Variants in GRAMD2B observed in about 807,000 individuals in gnomAD.
GRAMD2B encodes the protein GRAM domain containing 2B.
In GRAMD2B, 41 loss-of-function variants were observed where a neutral mutation model predicts 59.2. The observed-to-expected ratio is 0.69, with a 90% confidence interval of 0.54 to 0.90. The LOEUF (loss-of-function observed/expected upper bound fraction) is 0.90, where lower values mean the gene tolerates loss of function less well. Among genes scored for constraint, GRAMD2B ranks in the 40% least tolerant of loss-of-function variants. The pLI is 0.00. For missense variants in GRAMD2B, 424 were observed against 500.5 expected, an observed-to-expected ratio of 0.85 and a Z score of 1.46; for synonymous variants, 161 against 182.7, an observed-to-expected ratio of 0.88 and a Z score of 0.96.
In GRAMD2B at chr5:126,376,201, T is replaced by C. The variant is rs186909465; in HGVS notation, c.125+4634T>C. Among the ~76,000 whole-genome samples the C allele has an allele frequency of 7.2e-5, 11 of 152,326 alleles. No homozygotes were observed. The East Asian group carries it at 2.1e-3, about 29-fold the overall frequency. Reference sequence around the variant, plus strand: ...TGCTCAGTGGAGTTAGTGTGTAGAATAGGACACCATGGCCTTTGGGAGTAC... The same window carrying C: ...TGCTCAGTGGAGTTAGTGTGTAGAACAGGACACCATGGCCTTTGGGAGTAC... On this transcript the variant is annotated intron_variant, in intron 1 of 8. Transcript: ENST00000506445.
At chr5:126,373,157 G>A (rs554284494) in intron 1 of GRAMD2B, among the ~76,000 whole-genome samples, 16 of 151,698 alleles carry the variant, frequency 1.1e-4, no homozygotes, top group Non-Finnish European at 1.9e-4. Flanking sequence ...TATTAGAACC[G>A]ACCTAAAAAA....
At chr5:126,382,814 G>A (rs960666576) in intron 1 of GRAMD2B, among the ~76,000 whole-genome samples, 1 of 152,048 alleles carries the variant, frequency 6.6e-6, no homozygotes. Context: ...TTCTCATTTG[G>A]GTAGACAATG....
At chr5:126,434,386 T>C (rs550321315) in intron 1 of GRAMD2B, among the ~76,000 whole-genome samples, 47 of 152,332 alleles carry the variant, frequency 3.1e-4, no homozygotes, top group African/African-American at 1.1e-3. Context: ...TACTCTATTG[T>C]ACATTATGGT....
chr5:126,467,650 AAAGGC>A (rs1296534105), intron 2 of GRAMD2B: 1 of 152,244 alleles, frequency 6.6e-6, no homozygotes, highest in Non-Finnish European at 1.5e-5. Context: ...AATATAAATA[AAAGGC>A]AAGTTGACAT....
intron 1 of GRAMD2B, among the ~76,000 whole-genome samples, chr5:126,464,619 C>G (rs1767964076): frequency 6.6e-6 from 1 of 152,168 alleles, no homozygotes; most frequent in Non-Finnish European, 1.5e-5. Flanking sequence ...AAGGTCAGAC[C>G]TAGTTTTTCC....
At chr5:126,385,221 T>C (rs548937730) in intron 1 of GRAMD2B, among the ~76,000 whole-genome samples, 6 of 152,180 alleles carry the variant, frequency 3.9e-5, no homozygotes, top group Admixed American at 2.6e-4. Flanking sequence ...CCGCAGGCCT[T>C]ATGATTCATA....
At chr5:126,466,204 T>C in intron 2 of GRAMD2B, 2 of 1,530,960 alleles carry the variant, frequency 1.3e-6, no homozygotes, top group Non-Finnish European at 1.8e-6. Context: ...TCACCATTAT[T>C]AGAACTTTGA....
chr5:126,372,266 A>C (rs190841755), intron 1 of GRAMD2B, among the ~76,000 whole-genome samples: 3 of 152,312 alleles, frequency 2.0e-5, no homozygotes, highest in African/African-American at 2.4e-5. Context: ...AGTGGAAATC[A>C]CATATTCAAA....
chr5:126,363,619 C>T (rs1450367798), intron 1 of GRAMD2B, among the ~76,000 whole-genome samples: 1 of 152,046 alleles, frequency 6.6e-6, no homozygotes, highest in Admixed American at 6.6e-5. Flanking sequence ...TATTTTTGGT[C>T]ACAAAATGAG....
intron 1 of GRAMD2B, among the ~76,000 whole-genome samples, chr5:126,408,885 T>C (rs1758505772): frequency 7.6e-6 from 1 of 132,340 alleles, no homozygotes; most frequent in Non-Finnish European, 1.6e-5. Context: ...TTCCCCTTCC[T>C]GTGTCCATGT....
At chr5:126,448,052 G>T (rs1450985754) in intron 1 of GRAMD2B, among the ~76,000 whole-genome samples, 1 of 151,758 alleles carries the variant, frequency 6.6e-6, no homozygotes, top group Non-Finnish European at 1.5e-5. Context: ...GTAGAGAGAG[G>T]GTTTCACTGA....
At chr5:126,436,494 A>T (rs895217917) in intron 1 of GRAMD2B, among the ~76,000 whole-genome samples, 2 of 152,078 alleles carry the variant, frequency 1.3e-5, no homozygotes, top group African/African-American at 4.8e-5. Flanking sequence ...ACCACAAATA[A>T]TATAGAAATT....
intron 1 of GRAMD2B, among the ~76,000 whole-genome samples, chr5:126,406,430 C>T (rs982802369): frequency 1.8e-4 from 28 of 151,822 alleles, no homozygotes; most frequent in Admixed American, 1.8e-3. Flanking sequence ...AGCATACACT[C>T]AATTTTTATA....
At chr5:126,451,645 T>C (rs777649703) in intron 1 of GRAMD2B, among the ~76,000 whole-genome samples, 6 of 152,146 alleles carry the variant, frequency 3.9e-5, no homozygotes, top group Non-Finnish European at 8.8e-5. Flanking sequence ...TTGGGGACTT[T>C]GGGGAAAGTA....
intron 5 of GRAMD2B, among the ~76,000 whole-genome samples, chr5:126,476,095 CG>C (rs1212480627): frequency 6.6e-6 from 1 of 151,550 alleles, no homozygotes; most frequent in East Asian, 1.9e-4. Context: ...GCAACAAGAA[CG>C]AAACTCCATC....
intron 1 of GRAMD2B, among the ~76,000 whole-genome samples, chr5:126,399,420 G>T (rs1006049237): frequency 6.6e-6 from 1 of 152,118 alleles, no homozygotes; most frequent in Non-Finnish European, 1.5e-5. Flanking sequence ...TTGGATCATG[G>T]AGGCAGTTTC....
Position 126,477,701 on chromosome 5 carries a change from C to A in GRAMD2B, c.496C>A (p.Pro166Thr). ...GCTGATTCTGTTTCAGATCTCTATT[C>A]CAGCTTTCTCGGTAACCCTAATAAA... ...VFGKDTKISI[P>T]AFSVTLIKKT... Residue 166 changes from proline to threonine, a missense_variant, in exon 6 of 14, where the codon CCA becomes ACA. Transcript: ENST00000285689. 1 of 1,596,132 alleles carries A rather than the reference C, an allele frequency of 6.3e-7. No individual in the cohort carries two copies. The highest frequency in any genetic ancestry group is 8.6e-7 in the Non-Finnish European group (1 of 1,163,752).
At chr5:126,404,773 G>T (rs1040889569) in intron 1 of GRAMD2B, among the ~76,000 whole-genome samples, 1 of 151,896 alleles carries the variant, frequency 6.6e-6, no homozygotes, top group East Asian at 1.9e-4. Context: ...CATTACAAAG[G>T]TGTATAAGAC....
intron 1 of GRAMD2B, among the ~76,000 whole-genome samples, chr5:126,400,208 G>C (rs1221080015): frequency 6.6e-6 from 1 of 151,962 alleles, no homozygotes; most frequent in Non-Finnish European, 1.5e-5. Context: ...AAGAAAGCAG[G>C]AGTGAGTATA....
Sources: allele counts gnomAD v4.1 joint callset (sites outside exome capture counted in the v4.1 genomes callset), GRCh38; gene constraint gnomAD v4.1.1; transcripts MANE v1.5; gene names NCBI Gene and HGNC (gene_info 2026-07-23, HGNC 2026-07-21).